Variants in JARID2 observed in about 807,000 individuals in gnomAD.
JARID2 encodes the protein jumonji and AT-rich interaction domain containing 2, also known as protein Jumonji.
JARID2 carries 21 observed loss-of-function variants against 125.6 expected under a neutral mutation model. That is an observed-to-expected ratio of 0.17 (90% CI 0.12 to 0.24). The LOEUF (loss-of-function observed/expected upper bound fraction) is 0.24, where lower values mean the gene tolerates loss of function less well. JARID2 is among the 10% of genes least tolerant of loss of function. The pLI is 1.00. For synonymous variants in JARID2, 736 were observed against 661.6 expected, an observed-to-expected ratio of 1.11 and a Z score of -1.73; for missense variants, 1,303 against 1,639.6, an observed-to-expected ratio of 0.79 and a Z score of 3.55.
At chr6:15,390,789 C>A (rs1465538425) in intron 2 of JARID2, among the ~76,000 whole-genome samples, 1 of 152,118 alleles carries the variant, frequency 6.6e-6, no homozygotes, top group African/African-American at 2.4e-5. Context: ...GTCCAGTAGG[C>A]CGCAGTCCTC....
At chr6:15,420,784 A>G (rs1263809050) in intron 3 of JARID2, among the ~76,000 whole-genome samples, 1 of 152,240 alleles carries the variant, frequency 6.6e-6, no homozygotes, top group African/African-American at 2.4e-5. Flanking sequence ...AGCAGTGTTT[A>G]CTGTGAGGCA....
At chr6:15,323,673 C>G (rs912578451) in intron 1 of JARID2, among the ~76,000 whole-genome samples, 1 of 152,216 alleles carries the variant, frequency 6.6e-6, no homozygotes, top group African/African-American at 2.4e-5. Context: ...CACCTGTAAT[C>G]CCTGCACTTT....
chr6:15,283,767 G>A (rs1451547042), intron 1 of JARID2, among the ~76,000 whole-genome samples: 6 of 144,896 alleles, frequency 4.1e-5, no homozygotes, highest in South Asian at 2.2e-4. Flanking sequence ...GTGCAGTAGC[G>A]CGATCACGGC....
chr6:15,424,424 A>G (rs1004694037), intron 3 of JARID2, among the ~76,000 whole-genome samples: 2 of 152,096 alleles, frequency 1.3e-5, no homozygotes, highest in African/African-American at 4.8e-5. Flanking sequence ...CTTTGATTAG[A>G]AATTAGGAGA....
intron 3 of JARID2, among the ~76,000 whole-genome samples, chr6:15,426,297 C>G (rs1432838795): frequency 2.0e-5 from 3 of 152,168 alleles, no homozygotes; most frequent in Non-Finnish European, 4.4e-5. Flanking sequence ...AGGGCATTCT[C>G]TTTACCGATG....
chr6:15,325,199 G>A (rs966128491), intron 1 of JARID2, among the ~76,000 whole-genome samples: 1 of 151,892 alleles, frequency 6.6e-6, no homozygotes. Context: ...GTACCTGAGG[G>A]AATTGTGTTG....
At chr6:15,265,612 C>A (rs139260519) in intron 1 of JARID2, among the ~76,000 whole-genome samples, 1 of 152,138 alleles carries the variant, frequency 6.6e-6, no homozygotes, top group East Asian at 1.9e-4. Flanking sequence ...TCTTGGCTGG[C>A]AGCCAAGAAG....
chr6:15,255,346 G>A (rs1424891948), intron 1 of JARID2, among the ~76,000 whole-genome samples: 1 of 151,946 alleles, frequency 6.6e-6, no homozygotes, highest in East Asian at 1.9e-4. Context: ...CTTGTGATCA[G>A]CCCGCCTCAG....
intron 1 of JARID2, among the ~76,000 whole-genome samples, chr6:15,369,879 GC>G (rs1376081381): frequency 1.3e-5 from 2 of 152,204 alleles, no homozygotes; most frequent in Non-Finnish European, 2.9e-5. Context: ...AGAGAACACT[GC>G]AAAGTGGCTG....
intron 3 of JARID2, among the ~76,000 whole-genome samples, chr6:15,427,973 T>A (rs1319549612): frequency 6.6e-6 from 1 of 152,088 alleles, no homozygotes; most frequent in Non-Finnish European, 1.5e-5. Flanking sequence ...GTGCTTTAAC[T>A]AAGATGAGAA....
At chr6:15,313,391 A>G (rs1022006251) in intron 1 of JARID2, among the ~76,000 whole-genome samples, 3 of 152,148 alleles carry the variant, frequency 2.0e-5, no homozygotes, top group Admixed American at 6.5e-5. Flanking sequence ...GTTCATAGTC[A>G]CTACATATCC....
chr6:15,285,736 C>T (rs977296739), intron 1 of JARID2, among the ~76,000 whole-genome samples: 21 of 152,132 alleles, frequency 1.4e-4, no homozygotes, highest in African/African-American at 4.3e-4. Context: ...GGCAGCATCT[C>T]GTAAGTCATT....
At position 15,458,331 on chromosome 6, in the gene JARID2, GCAAA is replaced by G. The variant is rs1344988875; in HGVS notation, c.493+6158_493+6161del. ...TTCCCAAAGGGGACTCCTGAAGCAT[GCAAA>G]CCTACATACACAGTTCATTCCTATG... On this transcript the variant is annotated intron_variant, in intron 4 of 17. Transcript: ENST00000341776. 7.2e-5 allele frequency among the ~76,000 whole-genome samples: 11 copies of G among 152,330 alleles called. No homozygotes were observed. In the East Asian group the frequency reaches 2.1e-3, roughly 29 times the overall value.
chr6:15,308,642 C>T (rs543403188), intron 1 of JARID2, among the ~76,000 whole-genome samples: 2 of 152,196 alleles, frequency 1.3e-5, no homozygotes, highest in South Asian at 4.1e-4. Flanking sequence ...GGTCATTAGC[C>T]TCATCTGCTC....
chr6:15,336,668 A>G (rs1418778202), intron 1 of JARID2, among the ~76,000 whole-genome samples: 1 of 140,668 alleles, frequency 7.1e-6, no homozygotes, highest in Non-Finnish European at 1.6e-5. Context: ...TTTTTTTTTT[A>G]ATAGATTTGG....
chr6:15,407,350 T>TG (rs34216874), intron 2 of JARID2, among the ~76,000 whole-genome samples: 1 of 152,104 alleles, frequency 6.6e-6, no homozygotes, highest in South Asian at 2.1e-4. Context: ...GGGGGACACT[T>TG]GGGGGGTGAT....
intron 17 of JARID2, among the ~76,000 whole-genome samples, chr6:15,518,254 G>A (rs1771660565): frequency 6.6e-6 from 1 of 152,144 alleles, no homozygotes; most frequent in Admixed American, 6.6e-5. Context: ...TCCTCTGGCT[G>A]CCTGGAAAGC....
intron 16 of JARID2, among the ~76,000 whole-genome samples, 157 bp downstream of exon 16, chr6:15,513,579 G>A (rs933728886): frequency 6.6e-6 from 1 of 152,240 alleles, no homozygotes; most frequent in African/African-American, 2.4e-5. Context: ...GCTTCTGGCC[G>A]CCGGAGGTGG....
intron 1 of JARID2, among the ~76,000 whole-genome samples, chr6:15,264,212 G>C (rs892775433): frequency 6.6e-6 from 1 of 152,126 alleles, no homozygotes; most frequent in Non-Finnish European, 1.5e-5. Flanking sequence ...CACATGTCTT[G>C]GTGTGGGTGT....
Sources: gnomAD v4.1 joint callset for allele counts (sites outside exome capture counted in the v4.1 genomes callset) on GRCh38, gnomAD v4.1.1 for gene constraint, MANE v1.5 for transcripts, NCBI Gene and HGNC (gene_info 2026-07-23, HGNC 2026-07-21) for gene names.